Variants in TMTC4 observed in about 807,000 individuals in gnomAD.
TMTC4 encodes the protein protein O-mannosyl-transferase TMTC4.
Under a neutral mutation model 86.0 loss-of-function variants are expected in TMTC4, and 65 were observed. The ratio of observed to expected loss-of-function variants is 0.76; its 90% CI spans 0.62 to 0.93. The LOEUF (loss-of-function observed/expected upper bound fraction) is 0.93, where lower values mean the gene tolerates loss of function less well. Among genes scored for constraint, TMTC4 ranks in the 40% least tolerant of loss-of-function variants. The probability of loss-of-function intolerance (pLI) is 0.00; values close to 1 mark genes in which losing one functional copy is unlikely to be tolerated. For synonymous variants in TMTC4, 379 were observed against 382.5 expected (o/e 0.99, Z 0.11); for missense variants, 866 against 948.1 (o/e 0.91, Z 1.14).
chr13:100,672,024 C>T (rs9513782), intron 1 of TMTC4, among the ~76,000 whole-genome samples: 3 of 152,106 alleles, frequency 2.0e-5, no homozygotes, highest in Admixed American at 2.0e-4. Flanking sequence ...TTCTAAGAAT[C>T]AATTTCCTCA....
chr13:100,617,127 A>ATTTTTTT (rs35707709), intron 15 of TMTC4, among the ~76,000 whole-genome samples: 2 of 147,872 alleles, frequency 1.4e-5, no homozygotes, highest in African/African-American at 5.0e-5. Context: ...TTCTTCTAGG[A>ATTTTTTT]TTTTTTTTTT....
At chr13:100,643,913 C>T (rs555324393) in intron 6 of TMTC4, among the ~76,000 whole-genome samples, 1 of 152,098 alleles carries the variant, frequency 6.6e-6, no homozygotes, top group African/African-American at 2.4e-5. Flanking sequence ...ACAAATACAC[C>T]GTGACTCTCA....
chr13:100,646,026 A>T (rs2138936934), intron 6 of TMTC4, among the ~76,000 whole-genome samples: 1 of 152,210 alleles, frequency 6.6e-6, no homozygotes, highest in Admixed American at 6.5e-5. Context: ...CCATTGCCCT[A>T]AACCAGTGCC....
At chr13:100,664,406 C>G in intron 3 of TMTC4, 70 bp from the exon 4 acceptor site, 1 of 1,146,838 alleles carries the variant, frequency 8.7e-7, no homozygotes, top group South Asian at 1.6e-5. Flanking sequence ...TCCTCCATCT[C>G]TCACCTGGGA....
At chr13:100,626,047 T>G (rs559224612) in intron 13 of TMTC4, 24 bp downstream of exon 13, 1 of 1,613,964 alleles carries the variant, frequency 6.2e-7, no homozygotes, top group East Asian at 2.2e-5. Context: ...TACATAATTC[T>G]TCTGTAAGAC....
chr13:100,607,871 AC>A (rs1876912678), intron 17 of TMTC4, among the ~76,000 whole-genome samples: 1 of 152,174 alleles, frequency 6.6e-6, no homozygotes, highest in South Asian at 2.1e-4. Flanking sequence ...TGTAGTGTCT[AC>A]ATTCCGAGTT....
Position 100,604,324 on chromosome 13 carries a change from C to T in TMTC4, c.*670G>A, listed in dbSNP as rs533229738. 15 of 152,714 alleles carry T rather than the reference C, an allele frequency of 9.8e-5. No individual in the cohort carries two copies. In the East Asian group the frequency reaches 2.7e-3, roughly 28 times the overall value. The allele number at this position is 152,714 out of a possible 1,614,324, so 9.5% of individuals were successfully genotyped here. Reference sequence around the variant, plus strand: ...ACCGCTTATGTAAAATATTACATTACATAATCTCCTGTGTATTGAAATTGC... The same window carrying T: ...ACCGCTTATGTAAAATATTACATTATATAATCTCCTGTGTATTGAAATTGC... On this transcript the variant is annotated 3_prime_UTR_variant, in exon 19 of 19. Coordinates refer to ENST00000342624, the MANE Select transcript of TMTC4 (RefSeq NM_032813.5).
In TMTC4 at chr13:100,648,749, G is replaced by A. The variant is rs150430903; in HGVS notation, c.641-6438C>T. On this transcript the variant is annotated intron_variant, in intron 6 of 18. Coordinates refer to ENST00000342624, the MANE Select transcript of TMTC4 (RefSeq NM_032813.5). ...GGCTGGAGTACAGTAGCATGATCATGACTTACTGGAGCCTTGACCTCCCAG... is the reference window on the plus strand; with the variant it reads ...GGCTGGAGTACAGTAGCATGATCATAACTTACTGGAGCCTTGACCTCCCAG... Among the ~76,000 whole-genome samples, 5 of 152,330 alleles carry A rather than the reference G, an allele frequency of 3.3e-5. No individual in the cohort carries two copies. In the East Asian group the frequency reaches 7.7e-4, roughly 23 times the overall value.
chr13:100,631,675 C>T (rs1167420079), intron 12 of TMTC4, among the ~76,000 whole-genome samples: 2 of 152,194 alleles, frequency 1.3e-5, no homozygotes, highest in Admixed American at 6.5e-5. Flanking sequence ...TTAGCTCACA[C>T]ATCTGGCCCT....
At chr13:100,648,982 C>T (rs767877375) in intron 6 of TMTC4, among the ~76,000 whole-genome samples, 1 of 152,210 alleles carries the variant, frequency 6.6e-6, no homozygotes, top group Non-Finnish European at 1.5e-5. Flanking sequence ...AGCCACTGTG[C>T]CCAGCTGCCA....
chr13:100,624,350 A>AAAT (rs1453337463), intron 15 of TMTC4: 10 of 33,334 alleles, frequency 3.0e-4, no homozygotes, highest in South Asian at 1.7e-3. Context: ...TCAAAAAAAA[A>AAAT]AAATAAAAAA....
intron 5 of TMTC4, among the ~76,000 whole-genome samples, chr13:100,661,979 A>AT (rs1300284454): frequency 2.2e-4 from 33 of 152,082 alleles, no homozygotes; most frequent in Non-Finnish European, 2.2e-4. Context: ...TGCCTTTTGC[A>AT]TTTTCAAAGG....
At position 100,623,645 on chromosome 13, in the gene TMTC4, G is replaced by GTT. The variant is rs58766408; in HGVS notation, c.1836+1888_1836+1889dup. On this transcript the variant is annotated intron_variant, in intron 15 of 18. Transcript: ENST00000342624. ...TTTTGGAAACTACTAGTTGGGTTTT[G>GTT]TTTTTTTTTTTTTTTTTTTTTGCAG... 7.9e-5 allele frequency among the ~76,000 whole-genome samples: 9 copies of GTT among 113,270 alleles called. 1 individual carries two copies. The highest frequency in any genetic ancestry group is 5.6e-4 in the South Asian group (2 of 3,580). 74.3% of individuals were successfully genotyped at this position (113,270 alleles called of 152,430 possible). A position where few individuals can be genotyped will look rare whatever the true frequency, so the allele number is the denominator to read the frequency against.
chr13:100,656,329 G>C, intron 6 of TMTC4, 52 bp downstream of exon 6: 1 of 1,530,916 alleles, frequency 6.5e-7, no homozygotes, highest in Non-Finnish European at 9.0e-7. Context: ...CTGCTCAACA[G>C]GACAAAAACA....
At position 100,609,678 on chromosome 13, in the gene TMTC4, T is replaced by TACAC. The variant is rs535180236; in HGVS notation, c.2064+2719_2064+2720insGTGT. Among the ~76,000 whole-genome samples the TACAC allele has an allele frequency of 1.4e-3, 194 of 142,706 alleles. 3 individuals carry two copies. The South Asian group carries it at 0.027, about 20-fold the overall frequency. 93.6% of individuals were successfully genotyped at this position (142,706 alleles called of 152,430 possible). A position where few individuals can be genotyped will look rare whatever the true frequency, so the allele number is the denominator to read the frequency against. On this transcript the variant is annotated intron_variant, in intron 17 of 18. Coordinates refer to ENST00000342624, the MANE Select transcript of TMTC4 (RefSeq NM_032813.5). Reference sequence around the variant, plus strand: ...ATTGAATGCTCACTAAATGTATATATATACACACACACACACACACACACC... The same window carrying TACAC: ...ATTGAATGCTCACTAAATGTATATATACACATACACACACACACACACACACACC...
chr13:100,660,909 C>T (rs1885700358), intron 5 of TMTC4, among the ~76,000 whole-genome samples: 1 of 152,152 alleles, frequency 6.6e-6, no homozygotes, highest in South Asian at 2.1e-4. Flanking sequence ...CTGCTTCGGC[C>T]TCCCGAAGTG....
chr13:100,614,235 A>G, intron 16 of TMTC4, 81 bp downstream of exon 16: 2 of 1,050,650 alleles, frequency 1.9e-6, no homozygotes, highest in Non-Finnish European at 2.8e-6. Flanking sequence ...AAAAAGCACA[A>G]TAATCTCTAT....
At chr13:100,674,863 C>G (rs538005073), upstream of TMTC4, 465 of 977,286 alleles carry the variant, frequency 4.8e-4, 3 homozygotes, top group African/African-American at 7.4e-3. Flanking sequence ...CGACCCCCCC[C>G]GCGCCGCGCC....
chr13:100,639,289 G>A (rs1007358512), intron 7 of TMTC4, among the ~76,000 whole-genome samples: 3 of 152,172 alleles, frequency 2.0e-5, no homozygotes, highest in African/African-American at 4.8e-5. Context: ...TAATACATGG[G>A]CCAGTGCTGG....
Sources: gnomAD v4.1 joint callset for allele counts (sites outside exome capture counted in the v4.1 genomes callset) on GRCh38, gnomAD v4.1.1 for gene constraint, MANE v1.5 for transcripts, NCBI Gene and HGNC (gene_info 2026-07-23, HGNC 2026-07-21) for gene names.